ZNF594: variants seen among roughly 807,000 people sequenced by gnomAD.
ZNF594 encodes zinc finger protein HZF18.
For missense variants in ZNF594, 1,037 were observed against 964.6 expected, an observed-to-expected ratio of 1.08 and a Z score of -0.99; for synonymous variants, 336 against 309.4, an observed-to-expected ratio of 1.09 and a Z score of -0.90.
At position 5,181,579 on chromosome 17, in the gene ZNF594, T is replaced by G. The variant is rs781663450; in HGVS notation, c.*254A>C. The G allele has an allele frequency of 6.2e-7, 1 of 1,613,302 alleles. No individual in the cohort carries two copies. The highest frequency in any genetic ancestry group is 8.5e-7 in the Non-Finnish European group (1 of 1,179,428). On this transcript the variant is annotated 3_prime_UTR_variant, in exon 2 of 2. Transcript: ENST00000575779. ...TCATAGGGTTTCTCACCACTATGAA[T>G]TCTCCGACGTTGAATAAGGAGTGAA...
intron 1 of ZNF594, among the ~76,000 whole-genome samples, chr17:5,188,752 T>TG (rs1205012569): frequency 6.8e-6 from 1 of 147,200 alleles, no homozygotes; most frequent in Non-Finnish European, 1.5e-5. Flanking sequence ...AATTTTGACT[T>TG]TTTTTTTTTT....
rs2074343629 is a variant in ZNF594, at chr17:5,181,858, T to C, written c.2399A>G (p.Glu800Gly). ...CTATGATGTCTCAGAAGGTCTGAGC[T>C]CTGATTGAGTTTTCCCACATTCTTT... Reference protein sequence around the residue: ...ECKECGKTQSELRPSETS With the variant: ...ECKECGKTQSGLRPSETS Residue 800 changes from glutamate (E) to glycine (G), a missense_variant, in exon 2 of 2, where the codon GAG (glutamate) becomes GGG (glycine). Coordinates refer to ENST00000575779, the MANE Select transcript of ZNF594 (RefSeq NM_032530.2). 1.9e-6 allele frequency: 3 copies of C among 1,613,918 alleles called. No homozygotes were observed. The highest frequency in any genetic ancestry group is 1.3e-5 in the African/African-American group (1 of 74,854).
rs372924659 is a variant in ZNF594 at position 5,183,601 on chromosome 17, G to A, written c.656C>T (p.Ala219Val). The change falls in exon 2 of 2, where the codon GCT (alanine) becomes GTT (valine). Residue 219 changes from alanine (A) to valine (V), a missense_variant. Ala to Val is a moderately conservative substitution (Grantham distance 64). Transcript: ENST00000575779. Reference sequence around the variant, plus strand: ...GACAAGGTTTGAGCTTCCCTTAAAAGCCTTCCCACACTCTTTGCACTCATA... The same window carrying A: ...GACAAGGTTTGAGCTTCCCTTAAAAACCTTCCCACACTCTTTGCACTCATA... ...NPYECKECGK[A>V]FKGSSNLVLH... is the part of the protein sequence containing the mutation. 4 of 1,614,022 alleles carry A rather than the reference G, an allele frequency of 2.5e-6. No individual in the cohort carries two copies. The African/African-American group carries it at 5.3e-5, about 22-fold the overall frequency.
rs534837251 is a variant in ZNF594 at position 5,180,740 on chromosome 17, G to GA, written c.*1092dup. ...ATATTCTAGTGTCAGTTCTGAGACA[G>GA]AAAAAAAAAAGGTGATTATGTCCAA... On this transcript the variant is annotated 3_prime_UTR_variant, in exon 2 of 2. Coordinates refer to ENST00000575779, the MANE Select transcript of ZNF594 (RefSeq NM_032530.2). 4,879 of 263,874 alleles carry GA rather than the reference G, an allele frequency of 0.018. No individual in the cohort carries two copies. The highest frequency in any genetic ancestry group is 0.032 in the Middle Eastern group (23 of 718). 16.3% of individuals were successfully genotyped at this position (263,874 alleles called of 1,614,324 possible). A position where few individuals can be genotyped will look rare whatever the true frequency, so the allele number is the denominator to read the frequency against.
Position 5,181,045 on chromosome 17 carries a change from C to G in ZNF594, c.*788G>C, listed in dbSNP as rs921125959. 2 of 1,128,624 alleles carry G rather than the reference C, an allele frequency of 1.8e-6. No homozygotes were observed. Among genetic ancestry groups the G allele is most frequent in the Middle Eastern group, 1.9e-4 (1 of 5,186 alleles). 69.9% of individuals were successfully genotyped at this position (1,128,624 alleles called of 1,614,324 possible). The stretch of plus-strand genomic sequence containing the variant: ...GCTGTCCACCCACTGAAGGCCTTAC[C>G]ACAGTTGCTACATTCAAAGGGTTTC... On this transcript the variant is annotated 3_prime_UTR_variant, in exon 2 of 2. Coordinates refer to ENST00000575779, the MANE Select transcript of ZNF594 (RefSeq NM_032530.2).
At chr17:5,187,905 T>TC (rs1555610759) in intron 1 of ZNF594, among the ~76,000 whole-genome samples, 1 of 148,858 alleles carries the variant, frequency 6.7e-6, no homozygotes, top group African/African-American at 2.5e-5. Flanking sequence ...TTTTTTTTTT[T>TC]AGAGATATGG....
chr17:5,185,537 C>T (rs2074380730), intron 1 of ZNF594, among the ~76,000 whole-genome samples: 1 of 152,060 alleles, frequency 6.6e-6, no homozygotes, highest in Non-Finnish European at 1.5e-5. Flanking sequence ...TGCCCCTGGC[C>T]CCTCCAAATC....
rs944993491 is a variant in ZNF594, at chr17:5,182,582, G to C, written c.1675C>G (p.Gln559Glu). 6 of 1,613,278 alleles carry C rather than the reference G, an allele frequency of 3.7e-6. No individual in the cohort carries two copies. Among genetic ancestry groups the C allele is most frequent in the Admixed American group, 1.7e-5 (1 of 59,966 alleles). The change falls in exon 2 of 2, where the codon CAG (glutamine) becomes GAG (glutamate). Residue 559 changes from glutamine to glutamate, a missense_variant. Gln to Glu is a conservative substitution (Grantham distance 29, BLOSUM62 2). Coordinates refer to ENST00000575779, the MANE Select transcript of ZNF594 (RefSeq NM_032530.2). ...FSQDEELRGE[Q>E]KIHQEAKAYW... is the part of the protein sequence containing the mutation. Reference sequence around the variant, plus strand: ...GCTTTCGCTTCCTGGTGAATTTTCTGCTCTCCCCTAAGCTCCTCATCCTGG... The same window carrying C: ...GCTTTCGCTTCCTGGTGAATTTTCTCCTCTCCCCTAAGCTCCTCATCCTGG...
Position 5,183,373 on chromosome 17 carries a change from AG to A in ZNF594, c.883del (p.Leu295SerfsTer102). 1 of 1,613,388 alleles carries A rather than the reference AG, an allele frequency of 6.2e-7. No homozygotes were observed. The highest frequency in any genetic ancestry group is 8.5e-7 in the Non-Finnish European group (1 of 1,179,930). ...HQRIHTGEKP[L>X]KCNECEKAFR... ...GGCTTTTTCACATTCATTACATTTG[AG>A]GGGTTTCTCTCCAGTGTGAATTCTC... On this transcript the variant is annotated frameshift_variant, in exon 2 of 2. Transcript: ENST00000575779. LOFTEE classifies it low-confidence loss of function (END_TRUNC).
chr17:5,176,823 GAA>G (rs2074311221), downstream of ZNF594, among the ~76,000 whole-genome samples: 1 of 151,476 alleles, frequency 6.6e-6, no homozygotes, highest in African/African-American at 2.4e-5. Context: ...CGATCAAAAT[GAA>G]AGAATGAGAA....
chr17:5,179,355 G>C (rs951534859), downstream of ZNF594, among the ~76,000 whole-genome samples: 1 of 150,504 alleles, frequency 6.6e-6, no homozygotes, highest in African/African-American at 2.4e-5. Flanking sequence ...CACCAAGCGA[G>C]GCTGGGTCTC....
At position 5,181,152 on chromosome 17, in the gene ZNF594, T is replaced by C. The variant is rs1418977664; in HGVS notation, c.*681A>G. On this transcript the variant is annotated 3_prime_UTR_variant, in exon 2 of 2. Coordinates refer to ENST00000575779, the MANE Select transcript of ZNF594 (RefSeq NM_032530.2). Reference sequence around the variant, plus strand: ...CCAACATTCAGGGCATTCATAGGGTTTCTCTCCAGTATGAACACGATGGTG... The same window carrying C: ...CCAACATTCAGGGCATTCATAGGGTCTCTCTCCAGTATGAACACGATGGTG... The C allele has an allele frequency of 1.9e-6, 3 of 1,606,814 alleles. No individual in the cohort carries two copies. Among genetic ancestry groups the C allele is most frequent in the African/African-American group, 1.3e-5 (1 of 74,806 alleles).
intron 1 of ZNF594, among the ~76,000 whole-genome samples, chr17:5,186,688 T>TGG (rs2074388454): frequency 1.3e-5 from 2 of 152,224 alleles, no homozygotes; most frequent in Non-Finnish European, 2.9e-5. Context: ...CTGAATCCAT[T>TGG]TAACAGGACC....
downstream of ZNF594, among the ~76,000 whole-genome samples, chr17:5,177,347 G>T (rs911943196): frequency 2.6e-5 from 4 of 152,176 alleles, no homozygotes; most frequent in African/African-American, 9.7e-5. Flanking sequence ...TAAGACACTA[G>T]GAGGGTTCGG....
At chr17:5,184,637 G>A (rs967058667) in intron 1 of ZNF594, among the ~76,000 whole-genome samples, 1 of 152,190 alleles carries the variant, frequency 6.6e-6, no homozygotes, top group African/African-American at 2.4e-5. Context: ...TTCACAGGAA[G>A]CAACCCACTA....
At chr17:5,184,958 A>G (rs1317340649) in intron 1 of ZNF594, among the ~76,000 whole-genome samples, 1 of 152,250 alleles carries the variant, frequency 6.6e-6, no homozygotes, top group Non-Finnish European at 1.5e-5. Context: ...ATGATAGTTA[A>G]GCAAATCTGT....
chr17:5,187,937 G>A (rs1168814333), intron 1 of ZNF594, among the ~76,000 whole-genome samples: 1 of 143,070 alleles, frequency 7.0e-6, no homozygotes, highest in Admixed American at 7.3e-5. Context: ...TGCCCAGGCT[G>A]GTCTCACACT....
In ZNF594 at chr17:5,181,573, T is replaced by C. The variant is rs779598367; in HGVS notation, c.*260A>G. On this transcript the variant is annotated 3_prime_UTR_variant, in exon 2 of 2. Transcript: ENST00000575779. ...TTACATTCATAGGGTTTCTCACCAC[T>C]ATGAATTCTCCGACGTTGAATAAGG... 47 of 1,613,612 alleles carry C rather than the reference T, an allele frequency of 2.9e-5. No individual in the cohort carries two copies. In the South Asian group the frequency reaches 5.1e-4, roughly 17 times the overall value.
At chr17:5,177,746 G>A (rs939010731), downstream of ZNF594, among the ~76,000 whole-genome samples, 1 of 152,174 alleles carries the variant, frequency 6.6e-6, no homozygotes, top group African/African-American at 2.4e-5. Flanking sequence ...TGAGGCTGGA[G>A]AATTGCTTGA....
Sources: allele counts gnomAD v4.1 joint callset (sites outside exome capture counted in the v4.1 genomes callset), GRCh38; gene constraint gnomAD v4.1.1; transcripts MANE v1.5; gene names NCBI Gene and HGNC (gene_info 2026-07-23, HGNC 2026-07-21).